The following ADCY2 variants were observed in gnomAD, a reference collection of about 807,000 sequenced individuals.
The protein encoded by ADCY2 is adenylate cyclase 2.
ADCY2 carries 31 observed loss-of-function variants against 125.2 expected under a neutral mutation model. The observed-to-expected ratio is 0.25, with a 90% CI of 0.19 to 0.33. ADCY2 has a LOEUF of 0.33. Among genes scored for constraint, ADCY2 ranks in the 10% least tolerant of loss-of-function variants. The probability of loss-of-function intolerance (pLI) is 1.00; values close to 1 mark genes in which losing one functional copy is unlikely to be tolerated. For synonymous variants in ADCY2, 512 were observed against 548.4 expected (o/e 0.93, Z 0.93); for missense variants, 904 against 1,418.2 (o/e 0.64, Z 5.82).
intron 3 of ADCY2, among the ~76,000 whole-genome samples, chr5:7,544,126 C>T (rs1176494404): frequency 6.6e-6 from 1 of 152,092 alleles, no homozygotes; most frequent in Non-Finnish European, 1.5e-5. Flanking sequence ...TGAGCCCCTT[C>T]CCCATGACAA....
intron 5 of ADCY2, chr5:7,691,601 G>A (rs980757356): frequency 8.6e-5 from 13 of 152,012 alleles, no homozygotes; most frequent in Admixed American, 5.9e-4. Flanking sequence ...CCCTGTCTCC[G>A]AGCCACAGCA....
Position 7,698,408 on chromosome 5 carries a change from T to C in ADCY2, c.1109+34T>C, listed in dbSNP as rs187222687. 12 of 1,612,314 alleles carry C rather than the reference T, an allele frequency of 7.4e-6. No individual in the cohort carries two copies. In the African/African-American group the frequency reaches 1.1e-4, roughly 14 times the overall value. On this transcript the variant is annotated intron_variant, in intron 7 of 24. Transcript: ENST00000338316. ...ACTGCTTAGTAAGCATTTTGTTATA[T>C]GCTTTAAGTTCTGGGGTACATGTGC...
intron 3 of ADCY2, among the ~76,000 whole-genome samples, chr5:7,609,755 G>A (rs1158604392): frequency 6.6e-6 from 1 of 152,202 alleles, no homozygotes; most frequent in Non-Finnish European, 1.5e-5. Flanking sequence ...TGTTGGAGAA[G>A]TATCAGGGAG....
chr5:7,756,644 A>G (rs1743000962), intron 15 of ADCY2, among the ~76,000 whole-genome samples: 1 of 152,144 alleles, frequency 6.6e-6, no homozygotes, highest in Non-Finnish European at 1.5e-5. Context: ...TCATGGAAAC[A>G]GGAAGGGGAA....
intron 7 of ADCY2, among the ~76,000 whole-genome samples, chr5:7,700,719 CCACACACACACACACA>C (rs56197160): frequency 5.1e-5 from 5 of 98,340 alleles, no homozygotes; most frequent in African/African-American, 1.2e-4. Context: ...CTCGCACCCA[CCACACACACACACACA>C]CACACACACA....
At position 7,396,649 on chromosome 5, in the gene ADCY2, C is replaced by G; in HGVS notation, c.210+143C>G. ...GCGGCAGCCCCTCGGCCCGCGGCTC[C>G]CTGCTTCTCCTGCTGGCCCGCGGCC... is the stretch of plus-strand genomic sequence containing the variant. On this transcript the variant is annotated intron_variant, in intron 1 of 24. Transcript: ENST00000338316. This position sits in a 1 kb window ranked among gnomAD's most constrained non-coding sequence, Gnocchi z 5.7. 4.2e-6 allele frequency: 2 copies of G among 479,300 alleles called. No homozygotes were observed. Among genetic ancestry groups the G allele is most frequent in the Middle Eastern group, 6.3e-4 (1 of 1,584 alleles). 29.7% of individuals were successfully genotyped at this position (479,300 alleles called of 1,614,324 possible).
rs185236403 is a variant in ADCY2, at chr5:7,552,785, A to T, written c.570+31886A>T. ...GATCTCAGCGTTTGTAAAAAAGGCT[A>T]TATTTTTTCTTAGGTTGCCCTTGTA... On this transcript the variant is annotated intron_variant, in intron 3 of 24. Transcript: ENST00000338316. Among the ~76,000 whole-genome samples the T allele has an allele frequency of 3.9e-5, 6 of 152,330 alleles. No individual in the cohort carries two copies. The East Asian group carries it at 1.2e-3, about 29-fold the overall frequency.
rs70940750 is a variant in ADCY2 at position 7,665,828 on chromosome 5, C to CTTTTT, written c.721-24839_721-24835dup. On this transcript the variant is annotated intron_variant, in intron 4 of 24. Transcript: ENST00000338316. ...TGTTTTGTTTTTTTTTAATTTAATT[C>CTTTTT]TTTTTTTTTTTTTTTTTTTTTTTTT... 9.6e-4 allele frequency among the ~76,000 whole-genome samples: 37 copies of CTTTTT among 38,634 alleles called. 13 individuals are homozygous for CTTTTT. The highest frequency in any genetic ancestry group is 1.9e-3 in the African/African-American group (18 of 9,636). The allele number at this position is 38,634 out of a possible 152,430, so 25.3% of individuals were successfully genotyped here.
At chr5:7,575,256 A>G (rs181411488) in intron 3 of ADCY2, among the ~76,000 whole-genome samples, 7 of 152,276 alleles carry the variant, frequency 4.6e-5, no homozygotes, top group East Asian at 3.9e-4. Context: ...AATAAGATCA[A>G]TTATTTTGGA....
At chr5:7,678,482 A>G (rs565790472) in intron 4 of ADCY2, among the ~76,000 whole-genome samples, 2 of 152,374 alleles carry the variant, frequency 1.3e-5, no homozygotes, top group South Asian at 4.1e-4. Context: ...CTATGCATGC[A>G]TATCAATAAT....
intron 14 of ADCY2, among the ~76,000 whole-genome samples, chr5:7,732,582 G>A (rs991548197): frequency 3.9e-5 from 6 of 152,198 alleles, no homozygotes; most frequent in Admixed American, 6.5e-5. Context: ...CCATTTTGCC[G>A]TATTTTATGA....
Position 7,438,165 on chromosome 5 carries a change from C to T in ADCY2, c.408+23395C>T, listed in dbSNP as rs557055642. ...GCCAAGAAGGTCCACCGGAAGATTC[C>T]AGATGGAAAGGTGGTGGACAAGATA... is the stretch of plus-strand genomic sequence containing the variant. On this transcript the variant is annotated intron_variant, in intron 2 of 24. Transcript: ENST00000338316. Among the ~76,000 whole-genome samples, 3 of 152,274 alleles carry T rather than the reference C, an allele frequency of 2.0e-5. No individual in the cohort carries two copies. In the South Asian group the frequency reaches 6.2e-4, roughly 32 times the overall value.
chr5:7,694,735 C>A (rs1343255153), intron 5 of ADCY2, among the ~76,000 whole-genome samples: 2 of 152,178 alleles, frequency 1.3e-5, no homozygotes, highest in Non-Finnish European at 2.9e-5. Flanking sequence ...CAGCTATGAA[C>A]ATTCATGTAC....
chr5:7,640,678 C>G (rs1360809173), intron 4 of ADCY2, among the ~76,000 whole-genome samples: 2 of 149,548 alleles, frequency 1.3e-5, no homozygotes, highest in Non-Finnish European at 3.0e-5. Flanking sequence ...TTTTTTTTTT[C>G]ATTTAATTGG....
At chr5:7,699,081 ATTTTTTTTTTTTTTTTTTT>A (rs561359357) in intron 7 of ADCY2, among the ~76,000 whole-genome samples, 2 of 37,966 alleles carry the variant, frequency 5.3e-5, no homozygotes, top group African/African-American at 9.0e-5. Flanking sequence ...AACAGTAAGC[ATTTTTTTTTTTTTTTTTTT>A]TTTTTTTTTT....
chr5:7,661,304 T>G (rs1215742380), intron 4 of ADCY2, among the ~76,000 whole-genome samples: 1 of 152,326 alleles, frequency 6.6e-6, no homozygotes, highest in Non-Finnish European at 1.5e-5. Flanking sequence ...ATCTACTTTT[T>G]AATAGCTCAA....
At chr5:7,599,004 T>C (rs1194430987) in intron 3 of ADCY2, among the ~76,000 whole-genome samples, 1 of 152,268 alleles carries the variant, frequency 6.6e-6, no homozygotes, top group Non-Finnish European at 1.5e-5. Flanking sequence ...ATGTCCTGAC[T>C]GAGGCAGGTG....
chr5:7,489,387 C>CAA (rs1229028037), intron 2 of ADCY2, among the ~76,000 whole-genome samples: 1 of 152,172 alleles, frequency 6.6e-6, no homozygotes, highest in African/African-American at 2.4e-5. Flanking sequence ...CTCAGCCCTT[C>CAA]CTTGGGTTGC....
chr5:7,431,831 A>G (rs1740612944), intron 2 of ADCY2, among the ~76,000 whole-genome samples: 1 of 152,212 alleles, frequency 6.6e-6, no homozygotes, highest in Non-Finnish European at 1.5e-5. Context: ...ATTCAGTATT[A>G]CTGATAGGGA....
Sources: gnomAD v4.1 joint callset for allele counts (sites outside exome capture counted in the v4.1 genomes callset) on GRCh38, gnomAD v4.1.1 for gene constraint, Gnocchi (gnomAD v3.1) non-coding constraint, MANE v1.5 for transcripts, NCBI Gene and HGNC (gene_info 2026-07-23, HGNC 2026-07-21) for gene names.